Variants in PKHD1 observed in about 807,000 individuals in gnomAD.
The protein encoded by PKHD1 is PKHD1 ciliary IPT domain containing fibrocystin/polyductin.
PKHD1 carries 291 observed loss-of-function variants against 412.0 expected under a neutral mutation model. The observed-to-expected ratio is 0.71, with a 90% confidence interval of 0.64 to 0.78. The LOEUF is 0.78. Among genes scored for constraint, PKHD1 ranks in the 30% least tolerant of loss-of-function variants. The probability of loss-of-function intolerance (pLI) is 0.00; values close to 1 mark genes in which losing one functional copy is unlikely to be tolerated. For missense variants in PKHD1, 4,825 were observed against 4,950.7 expected (o/e 0.97, Z 0.76); for synonymous variants, 1,777 against 1,821.5 (o/e 0.98, Z 0.62).
chr6:51,959,906 T>A lies in PKHD1; in HGVS notation c.5872A>T (p.Thr1958Ser). Residue 1958 changes from threonine to serine, a missense_variant, in exon 36 of 67, where the codon ACT (threonine) becomes TCT (serine). Coordinates refer to ENST00000371117, the MANE Select transcript of PKHD1 (RefSeq NM_138694.4). ...VENGQLLLLDTNTSILNLLHI... is the reference protein window; with the variant it reads ...VENGQLLLLDSNTSILNLLHI... Reference sequence around the variant, plus strand: ...AGTAAGTTGAGGATGCTTGTGTTAGTGTCCAGCAGAAGCAATTGGCCATTC... The same window carrying A: ...AGTAAGTTGAGGATGCTTGTGTTAGAGTCCAGCAGAAGCAATTGGCCATTC... 6 of 1,613,514 alleles carry A rather than the reference T, an allele frequency of 3.7e-6. No individual in the cohort carries two copies. Among genetic ancestry groups the A allele is most frequent in the Non-Finnish European group, 5.1e-6 (6 of 1,179,560 alleles).
At chr6:51,974,318 T>C (rs919570106) in intron 35 of PKHD1, among the ~76,000 whole-genome samples, 14 of 152,228 alleles carry the variant, frequency 9.2e-5, no homozygotes, top group Non-Finnish European at 2.1e-4. Context: ...TCCCTTCTTA[T>C]ACTCAGCCTC....
chr6:51,952,909 CAACATT>C (rs1183197475), intron 36 of PKHD1, among the ~76,000 whole-genome samples: 2 of 152,096 alleles, frequency 1.3e-5, no homozygotes, highest in Non-Finnish European at 2.9e-5. Flanking sequence ...CACACACAAA[CAACATT>C]AACATCCAGT....
At position 52,043,742 on chromosome 6, in the gene PKHD1, CA is replaced by C; in HGVS notation, c.2716-13del. ...ACTCGCACAACCACCTGAAATGAGG[CA>C]AAATTTCTTTTCCATTTTATGCATT... is the stretch of plus-strand genomic sequence containing the variant. On this transcript the variant is annotated splice_polypyrimidine_tract_variant and intron_variant, in intron 25 of 66. Transcript: ENST00000371117. The C allele has an allele frequency of 5.0e-6, 8 of 1,601,932 alleles. No individual in the cohort carries two copies. Among genetic ancestry groups the C allele is most frequent in the Non-Finnish European group, 6.8e-6 (8 of 1,169,070 alleles).
intron 60 of PKHD1, among the ~76,000 whole-genome samples, chr6:51,670,063 C>T (rs1419146957): frequency 1.4e-5 from 2 of 144,308 alleles, no homozygotes; most frequent in Non-Finnish European, 3.1e-5. Flanking sequence ...TCTACTAGGT[C>T]TGCTTGGTGC....
intron 51 of PKHD1, among the ~76,000 whole-genome samples, chr6:51,832,898 C>A (rs1768514038): frequency 6.6e-6 from 1 of 152,118 alleles, no homozygotes; most frequent in Non-Finnish European, 1.5e-5. Flanking sequence ...TTAATTAGTA[C>A]AAAATATACC....
At chr6:51,631,674 A>G (rs562769773) in intron 65 of PKHD1, among the ~76,000 whole-genome samples, 213 of 152,192 alleles carry the variant, frequency 1.4e-3, no homozygotes, top group Middle Eastern at 3.4e-3. Flanking sequence ...TGGGTGGAAT[A>G]AGGAATTTGC....
chr6:51,951,547 TA>T (rs1790367723), intron 36 of PKHD1, among the ~76,000 whole-genome samples: 1 of 152,196 alleles, frequency 6.6e-6, no homozygotes, highest in Non-Finnish European at 1.5e-5. Flanking sequence ...CTGAATATTA[TA>T]AAAATGATTT....
At position 51,897,692 on chromosome 6, in the gene PKHD1, T is replaced by C. The variant is rs1485400952; in HGVS notation, c.6996+5905A>G. Among the ~76,000 whole-genome samples the C allele has an allele frequency of 4.8e-5, 7 of 145,946 alleles. No individual in the cohort carries two copies. The Admixed American group carries it at 4.8e-4, about 10-fold the overall frequency. ...TAACTTTAAATGTAAATGGACTAAATGCTCCAATTAAAAGACACAGACTGG... is the reference window on the plus strand; with the variant it reads ...TAACTTTAAATGTAAATGGACTAAACGCTCCAATTAAAAGACACAGACTGG... On this transcript the variant is annotated intron_variant, in intron 43 of 66. Transcript: ENST00000371117.
Position 52,044,707 on chromosome 6 carries a change from T to C in PKHD1, c.2715+259A>G, listed in dbSNP as rs1240773135. ...TAGAAGCATAAATCATATTTAGCTA[T>C]AGAAATTATCAATTTTTTGTACCAT... On this transcript the variant is annotated intron_variant, in intron 25 of 66. Transcript: ENST00000371117. Among the ~76,000 whole-genome samples the C allele has an allele frequency of 7.2e-5, 11 of 152,354 alleles. No individual in the cohort carries two copies. In the South Asian group the frequency reaches 8.3e-4, roughly 11 times the overall value.
At chr6:51,865,082 C>T (rs1489037968) in intron 48 of PKHD1, among the ~76,000 whole-genome samples, 1 of 152,084 alleles carries the variant, frequency 6.6e-6, no homozygotes, top group Non-Finnish European at 1.5e-5. Flanking sequence ...CTAACACTAC[C>T]CCTGTCTCAC....
At chr6:51,928,632 T>C (rs1786076510) in intron 37 of PKHD1, among the ~76,000 whole-genome samples, 1 of 151,962 alleles carries the variant, frequency 6.6e-6, no homozygotes, top group Non-Finnish European at 1.5e-5. Flanking sequence ...TCTAGCGGAC[T>C]TTGGGAGGCC....
At chr6:51,693,044 T>C (rs953089056) in intron 60 of PKHD1, among the ~76,000 whole-genome samples, 1 of 152,216 alleles carries the variant, frequency 6.6e-6, no homozygotes, top group Non-Finnish European at 1.5e-5. Flanking sequence ...TTTGCTGTTT[T>C]GGTGGCTTTC....
intron 4 of PKHD1, among the ~76,000 whole-genome samples, chr6:52,080,922 A>T (rs1384270307): frequency 1.3e-5 from 2 of 152,202 alleles, no homozygotes; most frequent in South Asian, 2.1e-4. Flanking sequence ...AGAAAATTTT[A>T]AATTACATTT....
intron 63 of PKHD1, among the ~76,000 whole-genome samples, chr6:51,645,561 T>C (rs964733330): frequency 1.3e-5 from 2 of 152,030 alleles, no homozygotes; most frequent in Admixed American, 1.3e-4. Context: ...GCCCGGCTAA[T>C]TTTTGCATTT....
rs149351325 is a variant in PKHD1, at chr6:51,869,643, T to A, written c.7486+861A>T. On this transcript the variant is annotated intron_variant, in intron 47 of 66. Coordinates refer to ENST00000371117, the MANE Select transcript of PKHD1 (RefSeq NM_138694.4). ...TTTTTTCACTGTCTCATGAATGATATGAAATAGTCAAGATATTAAAGAATT... is the reference window on the plus strand; with the variant it reads ...TTTTTTCACTGTCTCATGAATGATAAGAAATAGTCAAGATATTAAAGAATT... 8.5e-4 allele frequency among the ~76,000 whole-genome samples: 130 copies of A among 152,240 alleles called. 1 individual carries two copies. The highest frequency in any genetic ancestry group is 2.8e-3 in the African/African-American group (118 of 41,534).
chr6:51,968,156 A>AC (rs1249265169), intron 35 of PKHD1, among the ~76,000 whole-genome samples: 2 of 152,198 alleles, frequency 1.3e-5, no homozygotes, highest in African/African-American at 4.8e-5. Context: ...AAAAGTATTC[A>AC]CTGCCATCTG....
intron 60 of PKHD1, among the ~76,000 whole-genome samples, chr6:51,662,007 C>T (rs1014922352): frequency 6.6e-6 from 1 of 151,830 alleles, no homozygotes; most frequent in African/African-American, 2.4e-5. Flanking sequence ...AGAAGTAGGG[C>T]ACATGTTTTA....
At chr6:52,083,356 G>A in intron 2 of PKHD1, 101 bp from the exon 3 acceptor site, 1 of 810,474 alleles carries the variant, frequency 1.2e-6, no homozygotes, top group South Asian at 1.4e-5. Flanking sequence ...AGAATCACCA[G>A]AAAGGCTTGA....
chr6:51,706,273 A>C (rs1780006432), intron 60 of PKHD1, among the ~76,000 whole-genome samples: 1 of 152,080 alleles, frequency 6.6e-6, no homozygotes, highest in East Asian at 1.9e-4. Context: ...TTGTTGACTT[A>C]CATATTGAAT....
Sources: allele counts gnomAD v4.1 joint callset (sites outside exome capture counted in the v4.1 genomes callset), GRCh38; gene constraint gnomAD v4.1.1; transcripts MANE v1.5; gene names NCBI Gene and HGNC (gene_info 2026-07-23, HGNC 2026-07-21).